The following TTC7B variants were observed in gnomAD, a reference collection of about 807,000 sequenced individuals.
TTC7B encodes the protein tetratricopeptide repeat protein 7B.
In TTC7B, 28 loss-of-function variants were observed where a neutral mutation model predicts 106.8. The observed-to-expected ratio is 0.26, with a 90% CI of 0.19 to 0.36. The LOEUF (loss-of-function observed/expected upper bound fraction) is 0.36. Ranked by LOEUF, TTC7B falls within the 10% of genes least tolerant of loss-of-function variation. The probability of loss-of-function intolerance (pLI) is 1.00; values close to 1 mark genes in which losing one functional copy is unlikely to be tolerated. For missense variants in TTC7B, 862 were observed against 1,076.4 expected, an observed-to-expected ratio of 0.80 and a Z score of 2.79; for synonymous variants, 405 against 430.6, an observed-to-expected ratio of 0.94 and a Z score of 0.74.
At position 90,612,471 on chromosome 14, in the gene TTC7B, C is replaced by T. The variant is rs775621449; in HGVS notation, c.1869-1632G>A. 1.8e-4 allele frequency among the ~76,000 whole-genome samples: 27 copies of T among 152,282 alleles called. No homozygotes were observed. The Middle Eastern group carries it at 0.01, about 58-fold the overall frequency. On this transcript the variant is annotated intron_variant, in intron 16 of 19. Coordinates refer to ENST00000328459, the MANE Select transcript of TTC7B (RefSeq NM_001010854.2). Reference sequence around the variant, plus strand: ...CATATTATTCACCACCTTGGGGATTCCAAGACACACGATGAGGTATCGGCA... The same window carrying T: ...CATATTATTCACCACCTTGGGGATTTCAAGACACACGATGAGGTATCGGCA...
intron 17 of TTC7B, chr14:90,603,335 A>G (rs2139833087): frequency 1.6e-6 from 2 of 1,274,646 alleles, no homozygotes; most frequent in Middle Eastern, 2.2e-4. Context: ...AAAAATTAAA[A>G]CCAAGAAACA....
intron 15 of TTC7B, among the ~76,000 whole-genome samples, chr14:90,638,600 A>G (rs1885043768): frequency 6.6e-6 from 1 of 152,248 alleles, no homozygotes; most frequent in South Asian, 2.1e-4. Context: ...AGGCCTAAAT[A>G]ATTAGGGAGC....
At chr14:90,638,908 G>A (rs1885053972) in intron 15 of TTC7B, among the ~76,000 whole-genome samples, 1 of 152,254 alleles carries the variant, frequency 6.6e-6, no homozygotes, top group Non-Finnish European at 1.5e-5. Flanking sequence ...AGAAACAACT[G>A]CGGACATTTG....
chr14:90,650,973 T>A (rs1054017091), intron 13 of TTC7B, among the ~76,000 whole-genome samples: 1 of 152,250 alleles, frequency 6.6e-6, no homozygotes, highest in African/African-American at 2.4e-5. Context: ...AATTAAGAGT[T>A]AACTTTCTTG....
At chr14:90,574,832 G>A (rs1340773420) in intron 19 of TTC7B, among the ~76,000 whole-genome samples, 1 of 152,118 alleles carries the variant, frequency 6.6e-6, no homozygotes, top group African/African-American at 2.4e-5. Flanking sequence ...CTTCCTCTCT[G>A]AGCATCAGGG....
chr14:90,688,652 A>T (rs1380270520), intron 7 of TTC7B, among the ~76,000 whole-genome samples: 2 of 112,862 alleles, frequency 1.8e-5, no homozygotes, highest in South Asian at 6.0e-4. Flanking sequence ...AAAAAAAAAA[A>T]AAAAAATTAG....
At chr14:90,667,589 GT>G (rs979262796) in intron 9 of TTC7B, among the ~76,000 whole-genome samples, 2 of 152,112 alleles carry the variant, frequency 1.3e-5, no homozygotes, top group African/African-American at 4.8e-5. Context: ...TATATTTTGA[GT>G]TTCATTGATT....
At chr14:90,619,413 C>T (rs952491892) in intron 15 of TTC7B, among the ~76,000 whole-genome samples, 1 of 152,192 alleles carries the variant, frequency 6.6e-6, no homozygotes, top group Non-Finnish European at 1.5e-5. Context: ...CATGCCACGT[C>T]CCCAACTTCA....
chr14:90,737,585 G>C (rs1378901253), intron 4 of TTC7B, among the ~76,000 whole-genome samples: 1 of 117,632 alleles, frequency 8.5e-6, no homozygotes, highest in African/African-American at 3.3e-5. Context: ...ATGGAGTCTC[G>C]CTCTGTCACC....
chr14:90,628,197 C>T (rs1442940557), intron 15 of TTC7B, among the ~76,000 whole-genome samples: 1 of 152,228 alleles, frequency 6.6e-6, no homozygotes, highest in Admixed American at 6.5e-5. Flanking sequence ...TAAGTACATA[C>T]GTGAACAGGA....
At chr14:90,670,357 A>T (rs745873453) in intron 9 of TTC7B, among the ~76,000 whole-genome samples, 24 of 152,222 alleles carry the variant, frequency 1.6e-4, no homozygotes, top group Non-Finnish European at 3.1e-4. Context: ...GGAAGGAGAG[A>T]ATGAAAAGTT....
intron 5 of TTC7B, among the ~76,000 whole-genome samples, chr14:90,718,808 G>A (rs1888759602): frequency 7.8e-6 from 1 of 128,036 alleles, no homozygotes; most frequent in African/African-American, 3.0e-5. Flanking sequence ...AGACACTGGG[G>A]CATACAGGTA....
chr14:90,761,849 C>T (rs1312715725), intron 3 of TTC7B, among the ~76,000 whole-genome samples: 2 of 152,228 alleles, frequency 1.3e-5, no homozygotes, highest in Admixed American at 1.3e-4. Context: ...TCTGGATTCT[C>T]ACTTGCCTGC....
At chr14:90,637,948 A>T (rs1430871444) in intron 15 of TTC7B, among the ~76,000 whole-genome samples, 2 of 151,928 alleles carry the variant, frequency 1.3e-5, no homozygotes, top group Non-Finnish European at 2.9e-5. Context: ...CCCAGGCTGG[A>T]GTGTAGTGGT....
chr14:90,813,064 C>T (rs945318452), intron 1 of TTC7B, among the ~76,000 whole-genome samples: 8 of 152,116 alleles, frequency 5.3e-5, no homozygotes, highest in Admixed American at 1.3e-4. Flanking sequence ...GCCTTACCCT[C>T]GGCCTATCAG....
chr14:90,541,662 G>C (rs1889597942), intron 19 of TTC7B, 73 bp from the exon 20 acceptor site: 2 of 1,251,848 alleles, frequency 1.6e-6, no homozygotes, highest in Non-Finnish European at 1.1e-6. Flanking sequence ...ACTTGTCCTC[G>C]AGTTTCCAGT....
chr14:90,797,528 G>A (rs868708861), intron 1 of TTC7B, among the ~76,000 whole-genome samples: 4 of 151,546 alleles, frequency 2.6e-5, no homozygotes, highest in Non-Finnish European at 4.4e-5. Flanking sequence ...CTGTAATCCC[G>A]GGTAACCCAG....
At chr14:90,699,417 G>A in intron 5 of TTC7B, 1 of 342,326 alleles carries the variant, frequency 2.9e-6, no homozygotes, top group Non-Finnish European at 5.7e-6. Flanking sequence ...GAGTAGGGTG[G>A]GAAAAGACAA....
chr14:90,797,014 T>C (rs1471093790), intron 1 of TTC7B, among the ~76,000 whole-genome samples: 1 of 150,868 alleles, frequency 6.6e-6, no homozygotes, highest in African/African-American at 2.4e-5. Context: ...CCAGGCTAAT[T>C]TTTGTATTTT....
Sources: gnomAD v4.1 joint callset for allele counts (sites outside exome capture counted in the v4.1 genomes callset) on GRCh38, gnomAD v4.1.1 for gene constraint, MANE v1.5 for transcripts, NCBI Gene and HGNC (gene_info 2026-07-23, HGNC 2026-07-21) for gene names.